The following TTC29 variants were observed in gnomAD, a reference collection of about 807,000 sequenced individuals.
The protein encoded by TTC29 is tetratricopeptide repeat domain 29.
Under a neutral mutation model 58.1 loss-of-function variants are expected in TTC29, and 49 were observed. The ratio of observed to expected loss-of-function variants is 0.84; its 90% confidence interval spans 0.67 to 1.07. The LOEUF (loss-of-function observed/expected upper bound fraction) is 1.07, where lower values mean the gene tolerates loss of function less well. TTC29 is among the 50% of genes least tolerant of loss of function. TTC29 has a pLI of 0.00. For synonymous variants in TTC29, 209 were observed against 196.8 expected (o/e 1.06, Z -0.52); for missense variants, 582 against 555.6 (o/e 1.05, Z -0.48).
intron 11 of TTC29, among the ~76,000 whole-genome samples, chr4:146,795,274 C>T (rs1749756060): frequency 1.3e-5 from 2 of 152,036 alleles, no homozygotes; most frequent in Non-Finnish European, 2.9e-5. Flanking sequence ...AAAATTCATT[C>T]CAGGAAGATG....
chr4:146,799,239 T>C (rs1223866402), intron 11 of TTC29, among the ~76,000 whole-genome samples: 2 of 152,224 alleles, frequency 1.3e-5, no homozygotes, highest in Admixed American at 6.5e-5. Flanking sequence ...TCCTCTGTGA[T>C]TATAAGATGG....
intron 4 of TTC29, among the ~76,000 whole-genome samples, chr4:146,933,549 G>A (rs1054493702): frequency 2.0e-5 from 3 of 152,070 alleles, no homozygotes; most frequent in East Asian, 1.9e-4. Context: ...GAAACTCTTC[G>A]GACATGACTG....
chr4:146,838,581 C>T (rs1728657455), intron 8 of TTC29, among the ~76,000 whole-genome samples: 2 of 151,858 alleles, frequency 1.3e-5, no homozygotes, highest in South Asian at 4.1e-4. Context: ...TGTCTTTTTT[C>T]CTTTCTATGC....
chr4:146,723,219 C>T (rs1193566994), intron 11 of TTC29, among the ~76,000 whole-genome samples: 2 of 151,476 alleles, frequency 1.3e-5, no homozygotes, highest in Non-Finnish European at 2.9e-5. Flanking sequence ...TGCACTCCAG[C>T]TTGGGCAACA....
intron 6 of TTC29, among the ~76,000 whole-genome samples, chr4:146,903,277 C>T (rs541895798): frequency 3.3e-5 from 5 of 152,032 alleles, no homozygotes; most frequent in Non-Finnish European, 7.4e-5. Flanking sequence ...GGGGAGAATG[C>T]TTTCTCTTGG....
Position 146,803,489 on chromosome 4 carries a change from C to T in TTC29, c.1298G>A (p.Ser433Asn), listed in dbSNP as rs1185915477. 3.8e-6 allele frequency: 6 copies of T among 1,593,704 alleles called. No individual in the cohort carries two copies. Among genetic ancestry groups the T allele is most frequent in the Non-Finnish European group, 2.6e-6 (3 of 1,168,486 alleles). ...SLNYLLSWKESRGNIEPDPVT... is the reference protein window; with the variant it reads ...SLNYLLSWKENRGNIEPDPVT... ...TGGATCAGGTTCAATGTTACCTCTG[C>T]TCTCCTTCCATGACAGCAGGTAGTT... Residue 433 changes from serine (S) to asparagine (N), a missense_variant, in exon 11 of 13, where the codon AGC (serine) becomes AAC (asparagine). Physicochemically the swap from Ser to Asn is conservative, Grantham distance 46. Transcript: ENST00000325106.
intron 11 of TTC29, among the ~76,000 whole-genome samples, chr4:146,727,539 T>C (rs7673942): frequency 0.019 from 2,944 of 152,320 alleles, 93 homozygotes; most frequent in African/African-American, 0.068. Flanking sequence ...TTTTTGAAAA[T>C]CTTTTCCATA....
At chr4:146,906,644 T>C (rs1329345663) in intron 5 of TTC29, among the ~76,000 whole-genome samples, 4 of 152,222 alleles carry the variant, frequency 2.6e-5, no homozygotes, top group African/African-American at 9.6e-5. Flanking sequence ...AGTTCATGTG[T>C]TGAATGTGGA....
chr4:146,940,187 G>C (rs10519846), intron 2 of TTC29, among the ~76,000 whole-genome samples: 11,366 of 152,178 alleles, frequency 0.075, 1,439 homozygotes, highest in African/African-American at 0.26. Context: ...GGTTCAGTTG[G>C]CATCTTTGGT....
At position 146,881,402 on chromosome 4, in the gene TTC29, T is replaced by C. The variant is rs142961920; in HGVS notation, c.587-6474A>G. Among the ~76,000 whole-genome samples, 9 of 152,228 alleles carry C rather than the reference T, an allele frequency of 5.9e-5. No individual in the cohort carries two copies. The East Asian group carries it at 1.7e-3, about 29-fold the overall frequency. The stretch of plus-strand genomic sequence containing the variant: ...ACATTTGCTGAAGACTTTAGGGAAA[T>C]ATTCCACTTTAGTTTAAAACAACAA... On this transcript the variant is annotated intron_variant, in intron 6 of 12. Transcript: ENST00000325106.
chr4:146,708,787 A>G (rs1403377201), intron 11 of TTC29, among the ~76,000 whole-genome samples: 1 of 151,944 alleles, frequency 6.6e-6, no homozygotes, highest in Non-Finnish European at 1.5e-5. Flanking sequence ...TTTTAGCAAA[A>G]TGTCCTATAT....
intron 10 of TTC29, 146 bp downstream of exon 10, chr4:146,819,979 G>T: frequency 9.6e-7 from 1 of 1,045,724 alleles, no homozygotes; most frequent in Non-Finnish European, 1.4e-6. Context: ...CCTTGCCATG[G>T]ACATTAACTA....
chr4:146,786,764 T>C (rs1484975051), intron 11 of TTC29, among the ~76,000 whole-genome samples: 1 of 152,194 alleles, frequency 6.6e-6, no homozygotes, highest in African/African-American at 2.4e-5. Flanking sequence ...AAAATCTGTA[T>C]AAATTTTAGA....
intron 11 of TTC29, among the ~76,000 whole-genome samples, chr4:146,736,563 A>G (rs1479443671): frequency 6.6e-6 from 1 of 152,244 alleles, no homozygotes; most frequent in African/African-American, 2.4e-5. Flanking sequence ...GAGTGCTGGC[A>G]GGGACAAATT....
At chr4:146,735,201 G>A (rs1744626095) in intron 11 of TTC29, among the ~76,000 whole-genome samples, 2 of 152,020 alleles carry the variant, frequency 1.3e-5, no homozygotes, top group Non-Finnish European at 2.9e-5. Context: ...AATGATGCAG[G>A]GACAACAGAA....
chr4:146,814,284 T>C (rs749287334), intron 10 of TTC29, among the ~76,000 whole-genome samples: 3 of 152,012 alleles, frequency 2.0e-5, no homozygotes, highest in Non-Finnish European at 4.4e-5. Context: ...TCAAATACAG[T>C]AATTTTAAAG....
At chr4:146,925,111 T>G (rs949717633) in intron 4 of TTC29, among the ~76,000 whole-genome samples, 3 of 152,026 alleles carry the variant, frequency 2.0e-5, no homozygotes, top group African/African-American at 7.2e-5. Context: ...TGTTAAAATT[T>G]GTTTTATGGC....
intron 11 of TTC29, among the ~76,000 whole-genome samples, chr4:146,796,399 T>C (rs1299845416): frequency 6.6e-6 from 1 of 152,156 alleles, no homozygotes; most frequent in Non-Finnish European, 1.5e-5. Flanking sequence ...TCACCTCTGT[T>C]GCACCCCAAT....
chr4:146,902,863 A>T (rs961747388), intron 6 of TTC29, among the ~76,000 whole-genome samples: 4 of 152,244 alleles, frequency 2.6e-5, no homozygotes, highest in African/African-American at 9.6e-5. Context: ...TCACCAAAGT[A>T]AAAACTTTTA....
Sources: gnomAD v4.1 joint callset for allele counts (sites outside exome capture counted in the v4.1 genomes callset) on GRCh38, gnomAD v4.1.1 for gene constraint, MANE v1.5 for transcripts, NCBI Gene and HGNC (gene_info 2026-07-23, HGNC 2026-07-21) for gene names.